Variants in GPHN observed in about 807,000 individuals in gnomAD.
The protein encoded by GPHN is gephyrin.
Under a neutral mutation model 95.5 loss-of-function variants are expected in GPHN, and 17 were observed. The ratio of observed to expected loss-of-function variants is 0.18; its 90% CI spans 0.12 to 0.27. The LOEUF is 0.27. GPHN is among the 10% of genes least tolerant of loss of function. The probability of loss-of-function intolerance (pLI) is 1.00; values close to 1 mark genes in which losing one functional copy is unlikely to be tolerated. For missense variants in GPHN, 660 were observed against 978.1 expected (o/e 0.67, Z 4.34); for synonymous variants, 320 against 322.5 (o/e 0.99, Z 0.08).
At chr14:66,775,287 A>G (rs1282545626) in intron 2 of GPHN, among the ~76,000 whole-genome samples, 3 of 152,130 alleles carry the variant, frequency 2.0e-5, no homozygotes, top group African/African-American at 4.8e-5. Context: ...TTACTGAGGT[A>G]TACTTATAAG....
chr14:67,610,417 A>T, the GPHN span, among the ~76,000 whole-genome samples: 1 of 152,162 alleles, frequency 6.6e-6, no homozygotes, highest in Non-Finnish European at 1.5e-5. Context: ...TTCATATGAC[A>T]TGGTTACAAT....
chr14:67,561,006 C>T, the GPHN span, among the ~76,000 whole-genome samples: 31 of 152,240 alleles, frequency 2.0e-4, no homozygotes, highest in African/African-American at 6.0e-4. Context: ...GCTAGGATTA[C>T]GGGTGTGAGC....
the GPHN span, chr14:67,674,374 C>G: frequency 6.3e-7 from 1 of 1,591,470 alleles, no homozygotes; most frequent in Non-Finnish European, 8.5e-7. Context: ...CCCCGCCTCA[C>G]CGGTCCCCGC....
chr14:67,107,724 G>A (rs1220487793), intron 13 of GPHN, among the ~76,000 whole-genome samples: 2 of 152,158 alleles, frequency 1.3e-5, no homozygotes, highest in African/African-American at 4.8e-5. Flanking sequence ...CCTTAGAATG[G>A]CAGAGCGCAG....
intron 10 of GPHN, among the ~76,000 whole-genome samples, chr14:67,048,443 C>G (rs1366233210): frequency 6.6e-6 from 1 of 152,150 alleles, no homozygotes; most frequent in Non-Finnish European, 1.5e-5. Context: ...TTAGAGAAAC[C>G]TGTAGCATCA....
chr14:66,859,494 TGA>T (rs2062940945), intron 4 of GPHN, among the ~76,000 whole-genome samples: 1 of 152,238 alleles, frequency 6.6e-6, no homozygotes, highest in Admixed American at 6.5e-5. Flanking sequence ...AAAGCCTTTC[TGA>T]GAGAGACAGG....
intron 2 of GPHN, among the ~76,000 whole-genome samples, chr14:66,773,158 G>C (rs550106118): frequency 6.6e-6 from 1 of 152,244 alleles, no homozygotes; most frequent in South Asian, 2.1e-4. Context: ...GTGCAATCGG[G>C]CAGACTTGTC....
chr14:66,523,899 A>G (rs1238317127), intron 1 of GPHN, among the ~76,000 whole-genome samples: 1 of 152,084 alleles, frequency 6.6e-6, no homozygotes, highest in African/African-American at 2.4e-5. Flanking sequence ...TAGCAACATC[A>G]TTAAGGTTCA....
In GPHN at chr14:67,047,334, T is replaced by TTTGTGTG. The variant is rs2075075686; in HGVS notation, c.1007-11314_1007-11313insTGTGTGT. On this transcript the variant is annotated intron_variant, in intron 10 of 22. Coordinates refer to ENST00000478722, the MANE Select transcript of GPHN (RefSeq NM_020806.5). The stretch of plus-strand genomic sequence containing the variant: ...TCATTTATTTTGTGTGTGTGTGTGT[T>TTTGTGTG]TGTGTGTGTGTGTGTGTGTGTGTGT... Among the ~76,000 whole-genome samples, 135 of 109,694 alleles carry TTTGTGTG rather than the reference T, an allele frequency of 1.2e-3. 3 individuals are homozygous for TTTGTGTG. The East Asian group carries it at 0.014, about 11-fold the overall frequency. The allele number at this position is 109,694 out of a possible 152,430, so 72.0% of individuals were successfully genotyped here. A position where few individuals can be genotyped will look rare whatever the true frequency, so the allele number is the denominator to read the frequency against.
the GPHN span, among the ~76,000 whole-genome samples, chr14:67,202,382 A>T: frequency 7.2e-5 from 11 of 152,222 alleles, no homozygotes; most frequent in African/African-American, 2.7e-4. Flanking sequence ...CAGAGGTTGT[A>T]GTAAGCCGAG....
chr14:66,916,885 G>A (rs1387923568), intron 6 of GPHN, among the ~76,000 whole-genome samples: 3 of 152,114 alleles, frequency 2.0e-5, no homozygotes, highest in African/African-American at 7.2e-5. Flanking sequence ...ATGTTTGTCT[G>A]GGCATCTATA....
chr14:66,769,836 G>A (rs1207678593), intron 2 of GPHN, among the ~76,000 whole-genome samples: 2 of 152,070 alleles, frequency 1.3e-5, no homozygotes, highest in Non-Finnish European at 2.9e-5. Flanking sequence ...ATTTCTTTGG[G>A]TATATACCCA....
intron 1 of GPHN, among the ~76,000 whole-genome samples, chr14:66,544,751 G>A (rs1300775342): frequency 6.6e-6 from 1 of 152,020 alleles, no homozygotes; most frequent in African/African-American, 2.4e-5. Flanking sequence ...CGCAGTGTTT[G>A]TGTCCCTGGG....
intron 10 of GPHN, among the ~76,000 whole-genome samples, chr14:67,052,382 G>A (rs1051636096): frequency 4.0e-5 from 6 of 150,864 alleles, no homozygotes; most frequent in East Asian, 3.9e-4. Flanking sequence ...ATTACATAAC[G>A]GTAAAGGGCT....
chr14:66,894,534 T>C (rs1001201156), intron 5 of GPHN, among the ~76,000 whole-genome samples: 1 of 152,036 alleles, frequency 6.6e-6, no homozygotes, highest in African/African-American at 2.4e-5. Flanking sequence ...ACTAAAGAGC[T>C]TCTGCAAAGC....
At chr14:67,600,190 C>G in the GPHN span, 1 of 1,580,576 alleles carries the variant, frequency 6.3e-7, no homozygotes, top group Admixed American at 1.8e-5. Flanking sequence ...CGAAAAGCTC[C>G]GCTCATCCTC....
At chr14:67,350,162 C>A in the GPHN span, among the ~76,000 whole-genome samples, 2 of 152,260 alleles carry the variant, frequency 1.3e-5, no homozygotes, top group African/African-American at 4.8e-5. Flanking sequence ...AAGTTCATGC[C>A]TTTTAAATAA....
At chr14:67,092,157 T>C (rs1430220478) in intron 12 of GPHN, among the ~76,000 whole-genome samples, 1 of 152,120 alleles carries the variant, frequency 6.6e-6, no homozygotes, top group Non-Finnish European at 1.5e-5. Flanking sequence ...CACTTTTTTG[T>C]CTGTAATTCA....
chr14:66,677,851 T>C (rs1337974710), intron 1 of GPHN, among the ~76,000 whole-genome samples: 1 of 152,194 alleles, frequency 6.6e-6, no homozygotes, highest in Admixed American at 6.5e-5. Flanking sequence ...TTTTGAAGGA[T>C]AACTTTGTTG....
Sources: gnomAD v4.1 joint callset for allele counts (sites outside exome capture counted in the v4.1 genomes callset) on GRCh38, gnomAD v4.1.1 for gene constraint, MANE v1.5 for transcripts, NCBI Gene and HGNC (gene_info 2026-07-23, HGNC 2026-07-21) for gene names.